Variants in LYN observed in about 807,000 individuals in gnomAD.
LYN encodes the protein LYN proto-oncogene, Src family tyrosine kinase.
A neutral mutation model predicts 65.0 loss-of-function variants in LYN; 12 were observed. That is an observed-to-expected ratio of 0.18 (90% CI 0.12 to 0.30). The LOEUF is 0.30. LYN is among the 10% of genes least tolerant of loss of function. LYN has a pLI of 1.00. For missense variants in LYN, 380 were observed against 623.2 expected (o/e 0.61, Z 4.16); for synonymous variants, 222 against 221.2 (o/e 1.00, Z -0.03).
In LYN at chr8:55,947,702, A is replaced by G. The variant is rs921531136; in HGVS notation, c.263A>G (p.Glu88Gly). 2 of 1,613,594 alleles carry G rather than the reference A, an allele frequency of 1.2e-6. No individual in the cohort carries two copies. The highest frequency in any genetic ancestry group is 2.2e-5 in the East Asian group (1 of 44,870). ...GACGACTTGTCTTTCAAGAAAGGAGAGAAGATGAAAGTCCTGGAGGAGTAA... is the reference window on the plus strand; with the variant it reads ...GACGACTTGTCTTTCAAGAAAGGAGGGAAGATGAAAGTCCTGGAGGAGTAA... ...HPDDLSFKKG[E>G]KMKVLEEHGE... The change falls in exon 4 of 13, where the codon GAG becomes GGG. Residue 88 changes from glutamate (E) to glycine (G), a missense_variant. Glu to Gly is a moderately conservative substitution (Grantham distance 98). Coordinates refer to ENST00000519728, the MANE Select transcript of LYN (RefSeq NM_002350.4).
At position 55,977,100 on chromosome 8, in the gene LYN, G is replaced by A. The variant is rs35559279; in HGVS notation, c.1050+7307G>A. On this transcript the variant is annotated intron_variant, in intron 10 of 12. Coordinates refer to ENST00000519728, the MANE Select transcript of LYN (RefSeq NM_002350.4). ...CTCAGGAGGCTTAGGCAGGAGAATCGCTTGAACCCAGAAGGCGGAGATTGC... is the reference window on the plus strand; with the variant it reads ...CTCAGGAGGCTTAGGCAGGAGAATCACTTGAACCCAGAAGGCGGAGATTGC... Among the ~76,000 whole-genome samples, 65 of 152,114 alleles carry A rather than the reference G, an allele frequency of 4.3e-4. 2 individuals carry two copies. In the East Asian group the frequency reaches 0.012, roughly 28 times the overall value.
At chr8:55,929,331 A>G (rs548234589) in intron 1 of LYN, among the ~76,000 whole-genome samples, 3 of 152,206 alleles carry the variant, frequency 2.0e-5, no homozygotes. Context: ...TGAGACTAAG[A>G]ATACAGTCGG....
At chr8:55,969,967 T>C (rs1197638500) in intron 10 of LYN, among the ~76,000 whole-genome samples, 174 bp downstream of exon 10, 1 of 152,210 alleles carries the variant, frequency 6.6e-6, no homozygotes, top group Non-Finnish European at 1.5e-5. Context: ...AATAGGACAT[T>C]CACATGGATT....
At chr8:55,951,392 G>C (rs1043658427) in intron 6 of LYN, among the ~76,000 whole-genome samples, 1 of 152,048 alleles carries the variant, frequency 6.6e-6, no homozygotes, top group African/African-American at 2.4e-5. Flanking sequence ...TAGGCTGGGC[G>C]TGGTGGCTCA....
chr8:55,910,455 G>A lies in LYN; in HGVS notation c.-6+30352G>A, dbSNP rs535127886. Among the ~76,000 whole-genome samples the A allele has an allele frequency of 1.9e-4, 29 of 152,254 alleles. No individual in the cohort carries two copies. The South Asian group carries it at 5.0e-3, about 26-fold the overall frequency. ...TGACTTTGTCAAAGATCAGTTGGCC[G>A]TAGATTTATAGCTTTATTCCTGGGT... is the stretch of plus-strand genomic sequence containing the variant. On this transcript the variant is annotated intron_variant, in intron 1 of 12. Coordinates refer to ENST00000519728, the MANE Select transcript of LYN (RefSeq NM_002350.4).
intron 1 of LYN, among the ~76,000 whole-genome samples, chr8:55,891,273 A>G (rs1258925292): frequency 6.6e-6 from 1 of 150,382 alleles, no homozygotes; most frequent in East Asian, 2.0e-4. Flanking sequence ...AATCACTTGA[A>G]CCCGGGAGGC....
intron 10 of LYN, among the ~76,000 whole-genome samples, chr8:55,978,736 A>G (rs1015118450): frequency 2.0e-5 from 3 of 152,182 alleles, no homozygotes; most frequent in Non-Finnish European, 4.4e-5. Flanking sequence ...CGGAGTTCTG[A>G]CACGCAGTCA....
At chr8:56,001,394 A>T (rs1008927468) in intron 12 of LYN, among the ~76,000 whole-genome samples, 3 of 152,136 alleles carry the variant, frequency 2.0e-5, no homozygotes, top group Admixed American at 1.3e-4. Flanking sequence ...CTCTGCTGAG[A>T]TGCAAACCAG....
rs1175434639 is a variant in LYN, at chr8:55,966,915, C to G, written c.973+18C>G. 1 of 1,604,160 alleles carries G rather than the reference C, an allele frequency of 6.2e-7. No homozygotes were observed. The highest frequency in any genetic ancestry group is 8.5e-7 in the Non-Finnish European group (1 of 1,175,106). On this transcript the variant is annotated intron_variant, in intron 9 of 12. Coordinates refer to ENST00000519728, the MANE Select transcript of LYN (RefSeq NM_002350.4). Reference sequence around the variant, plus strand: ...GGCCAAGGGTGAGTTCCTCCCACTGCCCAGAGCTTGCAAGGGCTTCAAACT... The same window carrying G: ...GGCCAAGGGTGAGTTCCTCCCACTGGCCAGAGCTTGCAAGGGCTTCAAACT...
chr8:55,909,291 G>A (rs1585585595), intron 1 of LYN, among the ~76,000 whole-genome samples: 2 of 152,174 alleles, frequency 1.3e-5, no homozygotes, highest in African/African-American at 2.4e-5. Context: ...TCTCTGCACT[G>A]GACCCCAGTC....
At chr8:55,936,623 G>A (rs762147434) in intron 1 of LYN, among the ~76,000 whole-genome samples, 1 of 151,974 alleles carries the variant, frequency 6.6e-6, no homozygotes, top group Non-Finnish European at 1.5e-5. Context: ...CTGGGTGACA[G>A]AGTGAGACTC....
At chr8:55,970,744 A>G (rs1321372469) in intron 10 of LYN, among the ~76,000 whole-genome samples, 1 of 152,032 alleles carries the variant, frequency 6.6e-6, no homozygotes, top group African/African-American at 2.4e-5. Context: ...AGGTTCTGTA[A>G]TAGAGCATCG....
rs762882622 is a variant in LYN, at chr8:55,888,790, G to A, written c.-6+8687G>A. On this transcript the variant is annotated intron_variant, in intron 1 of 12. Transcript: ENST00000519728. ...CTCACTCTGTCATCCAGGCTGGAGT[G>A]CAGTGGTACGATCTCACTCACCAGG... Among the ~76,000 whole-genome samples, 27 of 152,212 alleles carry A rather than the reference G, an allele frequency of 1.8e-4. 1 individual carries two copies. The highest frequency in any genetic ancestry group is 3.7e-4 in the Non-Finnish European group (25 of 68,002).
At chr8:55,909,404 T>C (rs12543920) in intron 1 of LYN, among the ~76,000 whole-genome samples, 104,183 of 152,024 alleles carry the variant, frequency 0.69, 35,839 homozygotes, top group East Asian at 0.95. Flanking sequence ...AGGTTCCACC[T>C]GAGTGGGATT....
rs751747052 is a variant in LYN, at chr8:56,006,005, G to A, written c.1337-3903G>A. ...GAGGCTAAGGTGGGAGGATCACCGAGCCCAGGGAGTTTGAGGCTGCAGTGA... is the reference window on the plus strand; with the variant it reads ...GAGGCTAAGGTGGGAGGATCACCGAACCCAGGGAGTTTGAGGCTGCAGTGA... On this transcript the variant is annotated intron_variant, in intron 12 of 12. Coordinates refer to ENST00000519728, the MANE Select transcript of LYN (RefSeq NM_002350.4). 3.8e-4 allele frequency among the ~76,000 whole-genome samples: 57 copies of A among 151,998 alleles called. 1 individual carries two copies. Among genetic ancestry groups the A allele is most frequent in the Non-Finnish European group, 4.1e-4 (28 of 67,992 alleles).
intron 1 of LYN, among the ~76,000 whole-genome samples, chr8:55,894,341 AG>A (rs1478619177): frequency 5.3e-5 from 8 of 150,552 alleles, no homozygotes; most frequent in African/African-American, 2.0e-4. Flanking sequence ...CTGGGACTAG[AG>A]GTGCATGCCA....
chr8:55,948,362 G>A (rs1428666097), intron 4 of LYN, among the ~76,000 whole-genome samples: 1 of 152,090 alleles, frequency 6.6e-6, no homozygotes, highest in African/African-American at 2.4e-5. Context: ...CTTTTCTTTT[G>A]TTATATTACT....
At chr8:56,001,491 G>A (rs1208293164) in intron 12 of LYN, among the ~76,000 whole-genome samples, 3 of 152,176 alleles carry the variant, frequency 2.0e-5, no homozygotes, top group African/African-American at 7.2e-5. Flanking sequence ...AGAAACTGGG[G>A]CAGGGACCAG....
intron 10 of LYN, among the ~76,000 whole-genome samples, chr8:55,977,783 G>A (rs1028120010): frequency 2.0e-5 from 3 of 150,876 alleles, no homozygotes; most frequent in African/African-American, 7.3e-5. Flanking sequence ...AGCCAGGCCT[G>A]ATGGTCGTGC....
Sources: allele counts gnomAD v4.1 joint callset (sites outside exome capture counted in the v4.1 genomes callset), GRCh38; gene constraint gnomAD v4.1.1; transcripts MANE v1.5; gene names NCBI Gene and HGNC (gene_info 2026-07-23, HGNC 2026-07-21).